Variants in FHOD3 observed in about 807,000 individuals in gnomAD.
FHOD3 encodes FH1/FH2 domain-containing protein 3.
A neutral mutation model predicts 173.0 loss-of-function variants in FHOD3; 90 were observed. The ratio of observed to expected loss-of-function variants is 0.52; its 90% CI spans 0.44 to 0.62. The LOEUF (loss-of-function observed/expected upper bound fraction) is 0.62, where lower values mean the gene tolerates loss of function less well. FHOD3 is among the 20% of genes least tolerant of loss of function. The pLI, the probability that FHOD3 is intolerant of heterozygous loss-of-function variation, is 0.00. For synonymous variants in FHOD3, 828 were observed against 823.0 expected (o/e 1.01, Z -0.10); for missense variants, 1,945 against 2,034.7 (o/e 0.96, Z 0.85).
At chr18:36,515,215 T>TTTA (rs2055899442) in intron 5 of FHOD3, among the ~76,000 whole-genome samples, 1 of 152,134 alleles carries the variant, frequency 6.6e-6, no homozygotes, top group Non-Finnish European at 1.5e-5. Flanking sequence ...CAGCCGTTTA[T>TTTA]TTTATTTATT....
chr18:36,678,574 A>G (rs2038028536), intron 14 of FHOD3, among the ~76,000 whole-genome samples: 1 of 151,142 alleles, frequency 6.6e-6, no homozygotes, highest in East Asian at 1.9e-4. Flanking sequence ...GAAAGAAAAA[A>G]AGATACTTAC....
chr18:36,485,737 G>T (rs1351914632), intron 3 of FHOD3, among the ~76,000 whole-genome samples: 1 of 152,194 alleles, frequency 6.6e-6, no homozygotes, highest in African/African-American at 2.4e-5. Flanking sequence ...CATCAGGAAA[G>T]CATTGCTCAG....
At chr18:36,558,132 G>T (rs911059655) in intron 5 of FHOD3, among the ~76,000 whole-genome samples, 2 of 152,108 alleles carry the variant, frequency 1.3e-5, no homozygotes, top group African/African-American at 4.8e-5. Context: ...TACCCAGAAG[G>T]AACCCTTGGT....
chr18:36,511,582 G>T (rs2055653418), intron 4 of FHOD3, among the ~76,000 whole-genome samples: 1 of 152,118 alleles, frequency 6.6e-6, no homozygotes, highest in Non-Finnish European at 1.5e-5. Flanking sequence ...ATTCTAATGT[G>T]AAGGAGTCTG....
intron 6 of FHOD3, among the ~76,000 whole-genome samples, chr18:36,588,570 C>T (rs1358231801): frequency 1.3e-5 from 2 of 151,984 alleles, no homozygotes; most frequent in African/African-American, 4.8e-5. Flanking sequence ...AAATTGTTTT[C>T]TTTTTTGGCT....
intron 3 of FHOD3, among the ~76,000 whole-genome samples, chr18:36,378,145 A>G (rs981217304): frequency 2.0e-5 from 3 of 152,124 alleles, no homozygotes; most frequent in African/African-American, 7.2e-5. Flanking sequence ...ATTCTTCCAA[A>G]GATGTTCATC....
At chr18:36,486,249 T>TGG (rs1363382448) in intron 3 of FHOD3, among the ~76,000 whole-genome samples, 1 of 152,184 alleles carries the variant, frequency 6.6e-6, no homozygotes, top group East Asian at 1.9e-4. Context: ...TCACAACATA[T>TGG]GGGGGCTACA....
At chr18:36,361,131 G>A (rs1376853468) in intron 2 of FHOD3, among the ~76,000 whole-genome samples, 1 of 152,052 alleles carries the variant, frequency 6.6e-6, no homozygotes, top group Non-Finnish European at 1.5e-5. Flanking sequence ...GAAGCCTTGT[G>A]GCTAATCAGT....
chr18:36,648,578 G>A (rs1482952617), intron 10 of FHOD3, among the ~76,000 whole-genome samples: 1 of 152,078 alleles, frequency 6.6e-6, no homozygotes, highest in South Asian at 2.1e-4. Flanking sequence ...AATGGTCGGG[G>A]GGACTGCTTT....
At chr18:36,599,974 G>A (rs1284420599) in intron 7 of FHOD3, among the ~76,000 whole-genome samples, 1 of 151,588 alleles carries the variant, frequency 6.6e-6, no homozygotes, top group Non-Finnish European at 1.5e-5. Flanking sequence ...GTGGGGGTGG[G>A]GGGCAGTGGA....
chr18:36,406,102 T>G (rs1345419916), intron 3 of FHOD3, among the ~76,000 whole-genome samples: 3 of 151,458 alleles, frequency 2.0e-5, no homozygotes, highest in African/African-American at 4.9e-5. Context: ...TTTGTTTTTT[T>G]GTTTTTGTTT....
chr18:36,702,302 G>A (rs2039635833), intron 17 of FHOD3, among the ~76,000 whole-genome samples: 1 of 152,168 alleles, frequency 6.6e-6, no homozygotes, highest in Admixed American at 6.5e-5. Flanking sequence ...CCAGAAGAAG[G>A]AATTATTCAA....
chr18:36,465,713 T>C (rs964343427), intron 3 of FHOD3, among the ~76,000 whole-genome samples: 12 of 152,134 alleles, frequency 7.9e-5, no homozygotes, highest in African/African-American at 1.4e-4. Flanking sequence ...ACCAAGCCTA[T>C]TGATTGATAC....
At chr18:36,364,228 GT>G (rs1215587556) in intron 2 of FHOD3, among the ~76,000 whole-genome samples, 1 of 151,774 alleles carries the variant, frequency 6.6e-6, no homozygotes, top group Non-Finnish European at 1.5e-5. Flanking sequence ...TAAAATAAAA[GT>G]TTTTTTCTTG....
intron 27 of FHOD3, among the ~76,000 whole-genome samples, chr18:36,766,084 A>G (rs1333644724): frequency 2.0e-5 from 3 of 152,244 alleles, no homozygotes; most frequent in South Asian, 4.1e-4. Flanking sequence ...CAGAGAAGAA[A>G]GATACATTGC....
At chr18:36,555,399 A>C (rs1439288912) in intron 5 of FHOD3, among the ~76,000 whole-genome samples, 2 of 148,710 alleles carry the variant, frequency 1.3e-5, no homozygotes, top group Admixed American at 1.4e-4. Flanking sequence ...AAAAAAAAAC[A>C]AAAAACATGC....
intron 3 of FHOD3, among the ~76,000 whole-genome samples, chr18:36,397,727 C>G (rs769740300): frequency 3.2e-4 from 49 of 152,112 alleles, no homozygotes; most frequent in Admixed American, 8.5e-4. Context: ...ATAGGAAATG[C>G]CTTCAAGAGA....
intron 17 of FHOD3, among the ~76,000 whole-genome samples, chr18:36,697,832 A>AT (rs1426510258): frequency 6.6e-6 from 1 of 152,176 alleles, no homozygotes; most frequent in East Asian, 1.9e-4. Context: ...TGTCTAAATG[A>AT]TTTTTCCTGT....
At chr18:36,636,490 A>C (rs1386402147) in intron 10 of FHOD3, among the ~76,000 whole-genome samples, 1 of 152,210 alleles carries the variant, frequency 6.6e-6, no homozygotes, top group African/African-American at 2.4e-5. Context: ...GCCTGGGCAC[A>C]TTTGGGATGA....
Sources: gnomAD v4.1 joint callset for allele counts (sites outside exome capture counted in the v4.1 genomes callset) on GRCh38, gnomAD v4.1.1 for gene constraint, MANE v1.5 for transcripts, NCBI Gene and HGNC (gene_info 2026-07-23, HGNC 2026-07-21) for gene names.